The following DOT1L variants were observed in gnomAD, a reference collection of about 807,000 sequenced individuals.
The protein encoded by DOT1L is histone-lysine N-methyltransferase, H3 lysine-79 specific.
A neutral mutation model predicts 153.3 loss-of-function variants in DOT1L; 33 were observed. That is an observed-to-expected ratio of 0.22 (90% CI 0.16 to 0.29). The LOEUF is 0.29. DOT1L is among the 10% of genes least tolerant of loss of function. The probability of loss-of-function intolerance (pLI) is 1.00; values close to 1 mark genes in which losing one functional copy is unlikely to be tolerated. For missense variants in DOT1L, 1,847 were observed against 2,119.9 expected (o/e 0.87, Z 2.53); for synonymous variants, 1,135 against 965.1 (o/e 1.18, Z -3.26).
intron 5 of DOT1L, among the ~76,000 whole-genome samples, chr19:2,192,964 C>T (rs1031885904): frequency 3.9e-5 from 6 of 152,218 alleles, no homozygotes; most frequent in Admixed American, 6.5e-5. Context: ...GGTGTGGTGG[C>T]GGCGGTCTGT....
chr19:2,202,512 A>G (rs896429457), intron 8 of DOT1L, among the ~76,000 whole-genome samples, 188 bp from the exon 9 acceptor site: 2 of 152,188 alleles, frequency 1.3e-5, no homozygotes, highest in Non-Finnish European at 2.9e-5. Context: ...CACTCAGAAG[A>G]GGCTGCAGTT....
intron 22 of DOT1L, among the ~76,000 whole-genome samples, chr19:2,218,635 C>T (rs531298050): frequency 3.3e-5 from 5 of 152,110 alleles, no homozygotes; most frequent in East Asian, 1.9e-4. Flanking sequence ...CCTAGTGATC[C>T]GCCCGCCTGG....
rs2022892125 is a variant in DOT1L, at chr19:2,193,631, G to A, written c.494-58G>A. 13 of 1,557,630 alleles carry A rather than the reference G, an allele frequency of 8.3e-6. No homozygotes were observed. The highest frequency in any genetic ancestry group is 1.7e-5 in the Admixed American group (1 of 58,718). ...TGGCCTCTGTCTCCGAGCCTAGCAC[G>A]GCCTCCCGGGTGGCATCTGAGCGCT... On this transcript the variant is annotated intron_variant, in intron 5 of 27. Coordinates refer to ENST00000398665, the MANE Select transcript of DOT1L (RefSeq NM_032482.3). This position sits in a 1 kb window ranked among gnomAD's most constrained non-coding sequence, Gnocchi z 5.9.
intron 1 of DOT1L, among the ~76,000 whole-genome samples, chr19:2,177,256 T>TG (rs2021989694): frequency 6.6e-6 from 1 of 151,862 alleles, no homozygotes. Flanking sequence ...CGACCAGGTG[T>TG]GCTGCACTCG....
intron 7 of DOT1L, among the ~76,000 whole-genome samples, chr19:2,198,860 A>C (rs887602266): frequency 6.6e-6 from 1 of 152,150 alleles, no homozygotes; most frequent in East Asian, 1.9e-4. Flanking sequence ...CTCAAGGTGC[A>C]TCCGCGATGT....
At position 2,164,223 on chromosome 19, in the gene DOT1L, G is replaced by T; in HGVS notation, c.39G>T (p.Val13=). Residue 13 remains valine, a synonymous_variant, in exon 1 of 28, where the codon GTG becomes GTT. Coordinates refer to ENST00000398665, the MANE Select transcript of DOT1L (RefSeq NM_032482.3). ...EKLELRLKSP[V]GAEPAVYPWP... is the part of the protein sequence containing the mutation. ...TGGAGCTGAGACTGAAGTCGCCCGT[G>T]GGGGCTGAGCCCGCCGTCTACCCGT... 7.8e-7 allele frequency: 1 copy of T among 1,288,668 alleles called. No individual in the cohort carries two copies. Among genetic ancestry groups the T allele is most frequent in the Non-Finnish European group, 9.8e-7 (1 of 1,015,768 alleles). The allele number at this position is 1,288,668 out of a possible 1,614,324, so 79.8% of individuals were successfully genotyped here.
At chr19:2,209,864 C>G (rs533856255) in intron 12 of DOT1L, among the ~76,000 whole-genome samples, 60 of 152,338 alleles carry the variant, frequency 3.9e-4, no homozygotes, top group African/African-American at 1.3e-3. Context: ...TCCTTCCCAC[C>G]ATGCTTAGGG....
intron 1 of DOT1L, among the ~76,000 whole-genome samples, chr19:2,170,759 G>A (rs1183507472): frequency 6.6e-6 from 1 of 152,056 alleles, no homozygotes; most frequent in Non-Finnish European, 1.5e-5. Flanking sequence ...GAAACACTTA[G>A]GTCCTTTGGT....
Position 2,164,094 on chromosome 19 carries a change from C to A in DOT1L, c.-91C>A. ...GCCCCCTCCCCTCAGCCTCCCGCCCCTCCCTCCCGCCCGCCCTCCTCCGCC... is the reference window on the plus strand; with the variant it reads ...GCCCCCTCCCCTCAGCCTCCCGCCCATCCCTCCCGCCCGCCCTCCTCCGCC... On this transcript the variant is annotated 5_prime_UTR_variant, in exon 1 of 28. Transcript: ENST00000398665. 6.7e-6 allele frequency: 1 copy of A among 149,298 alleles called. No individual in the cohort carries two copies. Among genetic ancestry groups the A allele is most frequent in the South Asian group, 1.9e-4 (1 of 5,404 alleles). The allele number at this position is 149,298 out of a possible 1,614,324, so 9.2% of individuals were successfully genotyped here.
At position 2,232,339 on chromosome 19, in the gene DOT1L, A is replaced by T. The variant is rs1002396471; in HGVS notation, c.*2547A>T. 2.5e-5 allele frequency: 2 copies of T among 80,952 alleles called. No individual in the cohort carries two copies. Among genetic ancestry groups the T allele is most frequent in the Non-Finnish European group, 2.6e-5 (1 of 38,854 alleles). The allele number at this position is 80,952 out of a possible 1,614,324, so 5.0% of individuals were successfully genotyped here. ...CTGTTCAGTGGTCAGCAGGCCCCCC[A>T]CCCCCCGCCGACTGCCCTCGCCATC... On this transcript the variant is annotated 3_prime_UTR_variant, in exon 28 of 28. Transcript: ENST00000398665.
Position 2,216,507 on chromosome 19 carries a change from C to T in DOT1L, c.2150C>T (p.Ala717Val). The part of the protein sequence containing the change: ...MSPELSMNGQ[A>V]AGYELCGVLS... ...CCGGAGCTCTCCATGAACGGCCAGG[C>T]TGCTGGCTATGAGCTCTGCGGTGTG... Residue 717 changes from alanine (A) to valine (V), a missense_variant, in exon 20 of 28, where the codon GCT (alanine) becomes GTT (valine). Transcript: ENST00000398665. The T allele has an allele frequency of 6.2e-7, 1 of 1,612,524 alleles. No homozygotes were observed. The highest frequency in any genetic ancestry group is 8.5e-7 in the Non-Finnish European group (1 of 1,179,962).
rs1462841883 is a variant in DOT1L at position 2,222,634 on chromosome 19, C to G, written c.3390+75C>G. On this transcript the variant is annotated intron_variant, in intron 24 of 27. Transcript: ENST00000398665. This position sits in a 1 kb window ranked among gnomAD's most constrained non-coding sequence, Gnocchi z 6.5. ...ACCAGAGGGAGACCGGGCGCGGTGG[C>G]TCACGCCTGTAATCCCAGCATTTTG... 1.4e-6 allele frequency: 2 copies of G among 1,384,184 alleles called. No individual in the cohort carries two copies. The highest frequency in any genetic ancestry group is 2.9e-5 in the African/African-American group (2 of 68,928). The allele number at this position is 1,384,184 out of a possible 1,614,324, so 85.7% of individuals were successfully genotyped here.
chr19:2,169,197 G>A (rs1377891237), intron 1 of DOT1L, among the ~76,000 whole-genome samples: 1 of 152,112 alleles, frequency 6.6e-6, no homozygotes, highest in Non-Finnish European at 1.5e-5. Flanking sequence ...AGTAGCAGCC[G>A]GGGCGGGGTG....
intron 1 of DOT1L, among the ~76,000 whole-genome samples, chr19:2,171,605 G>A (rs1186546315): frequency 1.3e-5 from 2 of 152,174 alleles, no homozygotes; most frequent in African/African-American, 2.4e-5. Context: ...CTGGGGTCCC[G>A]GGCACCGACC....
In DOT1L at chr19:2,216,504, A is replaced by G. The variant is rs374865991; in HGVS notation, c.2147A>G (p.Gln716Arg). The change falls in exon 20 of 28, where the codon CAG (glutamine) becomes CGG (arginine). Residue 716 changes from glutamine to arginine, a missense_variant. By Grantham distance (43) the Gln-to-Arg change is conservative. Around this residue, in one of 8 missense-constraint regions of DOT1L, gnomAD observed 281 missense variants for 263.6 expected, o/e 1.07. Coordinates refer to ENST00000398665, the MANE Select transcript of DOT1L (RefSeq NM_032482.3). ...AGCCCGGAGCTCTCCATGAACGGCCAGGCTGCTGGCTATGAGCTCTGCGGT... is the reference window on the plus strand; with the variant it reads ...AGCCCGGAGCTCTCCATGAACGGCCGGGCTGCTGGCTATGAGCTCTGCGGT... ...SMSPELSMNGQAAGYELCGVL... is the reference protein window; with the variant it reads ...SMSPELSMNGRAAGYELCGVL... 4 of 1,612,484 alleles carry G rather than the reference A, an allele frequency of 2.5e-6. No homozygotes were observed. Among genetic ancestry groups the G allele is most frequent in the Non-Finnish European group, 3.4e-6 (4 of 1,179,968 alleles).
intron 2 of DOT1L, among the ~76,000 whole-genome samples, chr19:2,181,540 G>C (rs1489489145): frequency 3.3e-5 from 5 of 152,230 alleles, no homozygotes; most frequent in Admixed American, 2.6e-4. Flanking sequence ...CCCTGGCCAG[G>C]TTGTTTGAGG....
rs994080346 is a variant in DOT1L, at chr19:2,196,813, C to T, written c.651+2236C>T. ...GTACCCTTCCCTGCCCTGGTCTTGGCGGTCAGCTGAGCCCCTGGCCGCGGA... is the reference window on the plus strand; with the variant it reads ...GTACCCTTCCCTGCCCTGGTCTTGGTGGTCAGCTGAGCCCCTGGCCGCGGA... On this transcript the variant is annotated intron_variant, in intron 7 of 27. Coordinates refer to ENST00000398665, the MANE Select transcript of DOT1L (RefSeq NM_032482.3). 9.2e-5 allele frequency among the ~76,000 whole-genome samples: 14 copies of T among 152,332 alleles called. No individual in the cohort carries two copies. In the East Asian group the frequency reaches 9.6e-4, roughly 10 times the overall value.
Position 2,220,267 on chromosome 19 carries a change from G to C in DOT1L, c.2806+45G>C. On this transcript the variant is annotated intron_variant, in intron 23 of 27. Transcript: ENST00000398665. The surrounding 1 kb of genome is among the most constrained non-coding windows in gnomAD (Gnocchi z 4.5). ...CTACCCTCAGGACTCTGCTGCTGCT[G>C]CTGCTCTTCAGGCAGGAGGGCTGGG... The C allele has an allele frequency of 6.4e-7, 1 of 1,566,194 alleles. No individual in the cohort carries two copies. The highest frequency in any genetic ancestry group is 8.7e-7 in the Non-Finnish European group (1 of 1,150,248).
At chr19:2,227,320 G>C (rs765237111) in intron 27 of DOT1L, 193 bp downstream of exon 27, 2 of 789,712 alleles carry the variant, frequency 2.5e-6, no homozygotes, top group Admixed American at 1.9e-5. Context: ...GAGTCCGTGT[G>C]TCTTGGGTTC....
Sources: allele counts gnomAD v4.1 joint callset (sites outside exome capture counted in the v4.1 genomes callset), GRCh38; gene constraint gnomAD v4.1.1; regional missense constraint gnomAD v4.1.1; non-coding constraint Gnocchi (gnomAD v3.1); transcripts MANE v1.5; gene names NCBI Gene and HGNC (gene_info 2026-07-23, HGNC 2026-07-21).